FBRSL1: variants seen among roughly 807,000 people sequenced by gnomAD.
The protein encoded by FBRSL1 is fibrosin-1-like protein.
A neutral mutation model predicts 89.6 loss-of-function variants in FBRSL1; 51 were observed. That is an observed-to-expected ratio of 0.57 (90% CI 0.45 to 0.72). FBRSL1 has a LOEUF of 0.72. Among genes scored for constraint, FBRSL1 ranks in the 30% least tolerant of loss-of-function variants. FBRSL1 has a pLI of 0.00. For missense variants in FBRSL1, 1,618 were observed against 1,451.8 expected (o/e 1.11, Z -1.86); for synonymous variants, 779 against 681.1 (o/e 1.14, Z -2.24).
chr12:132,543,335 C>T lies in FBRSL1; in HGVS notation c.616-4668C>T, dbSNP rs377569804. ...TCCAGTGTCCACGAAGCAGTGGGGCCAGGACCTGCCCACGCCGGGCTCCGT... is the reference window on the plus strand; with the variant it reads ...TCCAGTGTCCACGAAGCAGTGGGGCTAGGACCTGCCCACGCCGGGCTCCGT... On this transcript the variant is annotated intron_variant, in intron 4 of 18. Coordinates refer to ENST00000680143, the MANE Select transcript of FBRSL1 (RefSeq NM_001367871.1). Among the ~76,000 whole-genome samples the T allele has an allele frequency of 1.1e-3, 166 of 152,294 alleles. No homozygotes were observed. In the Middle Eastern group the frequency reaches 0.031, roughly 28 times the overall value.
chr12:132,500,135 T>C (rs552740855), intron 1 of FBRSL1, among the ~76,000 whole-genome samples: 1 of 152,264 alleles, frequency 6.6e-6, no homozygotes, highest in South Asian at 2.1e-4. Context: ...GCGGGAGCCA[T>C]CAAGCGTCTG....
intron 2 of FBRSL1, chr12:132,510,901 C>T (rs891909870): frequency 2.6e-5 from 26 of 1,004,572 alleles, no homozygotes; most frequent in African/African-American, 1.4e-4. Context: ...CACGCTTGCC[C>T]CTGGCGTGCC....
rs2038196451 is a variant in FBRSL1, at chr12:132,551,868, CATA to C, written c.645+3837_645+3839del. The C allele has an allele frequency of 1.3e-5, 4 of 298,672 alleles. No homozygotes were observed. The Admixed American group carries it at 1.6e-4, about 12-fold the overall frequency. 18.5% of individuals were successfully genotyped at this position (298,672 alleles called of 1,614,324 possible). A position where few individuals can be genotyped will look rare whatever the true frequency, so the allele number is the denominator to read the frequency against. ...TGGGGTGAAGAGCGATATGGGACTC[CATA>C]GGCAGCCGCCAGGTGGTGGTGGCCT... On this transcript the variant is annotated intron_variant, in intron 5 of 18. Transcript: ENST00000680143.
intron 17 of FBRSL1, 47 bp downstream of exon 17, chr12:132,581,871 C>A: frequency 6.8e-7 from 1 of 1,469,950 alleles, no homozygotes; most frequent in Non-Finnish European, 9.1e-7. Flanking sequence ...CCGCGCCCCT[C>A]CCCCATGCCT....
At chr12:132,512,242 C>A (rs1204937061) in intron 2 of FBRSL1, among the ~76,000 whole-genome samples, 1 of 152,266 alleles carries the variant, frequency 6.6e-6, no homozygotes, top group African/African-American at 2.4e-5. Flanking sequence ...GCCTGGGGGG[C>A]ACCCATCCCC....
intron 5 of FBRSL1, chr12:132,552,100 C>T: frequency 5.2e-6 from 1 of 194,142 alleles, no homozygotes; most frequent in Non-Finnish European, 1.1e-5. Context: ...CCACAGCCTC[C>T]ATGTTCTGTC....
intron 5 of FBRSL1, among the ~76,000 whole-genome samples, chr12:132,561,397 G>C (rs753601285): frequency 5.3e-4 from 81 of 152,292 alleles, no homozygotes; most frequent in Non-Finnish European, 1.0e-3. Context: ...GGGACGTGGA[G>C]CGGAACCCAC....
Position 132,583,730 on chromosome 12 carries a change from G to A in FBRSL1, c.2961G>A (p.Ala987=), listed in dbSNP as rs371380312. 1.8e-4 allele frequency: 220 copies of A among 1,215,966 alleles called. 2 individuals carry two copies. In the East Asian group the frequency reaches 3.2e-3, roughly 18 times the overall value. The allele number at this position is 1,215,966 out of a possible 1,614,324, so 75.3% of individuals were successfully genotyped here. ...TPLGGLGPGE[A]RDYSPSRNPP... is the part of the protein sequence containing the mutation. ...TGGGGGGCCTCGGGCCGGGCGAGGC[G>A]CGCGACTACTCCCCGTCCCGAAATC... Residue 987 remains alanine (A), a synonymous_variant, in exon 19 of 19, where the codon GCG becomes GCA. Transcript: ENST00000680143.
chr12:132,501,627 T>C (rs920012171), intron 1 of FBRSL1, among the ~76,000 whole-genome samples: 1 of 152,038 alleles, frequency 6.6e-6, no homozygotes, highest in African/African-American at 2.4e-5. Context: ...CCCAAGGCCT[T>C]GGACAGGAGT....
chr12:132,510,402 C>A (rs1036907441), intron 2 of FBRSL1: 14 of 1,231,904 alleles, frequency 1.1e-5, no homozygotes, highest in Non-Finnish European at 1.4e-5. Context: ...ATCCTGTGCC[C>A]CCGGGATGGC....
chr12:132,519,137 T>TTTGTTTG (rs1390012696), intron 2 of FBRSL1, among the ~76,000 whole-genome samples: 1 of 152,242 alleles, frequency 6.6e-6, no homozygotes. Flanking sequence ...ATTGCCTGAG[T>TTTGTTTG]CCCTGTTTAC....
chr12:132,570,153 C>A lies in FBRSL1; in HGVS notation c.919C>A (p.Arg307Ser). Residue 307 changes from arginine (R) to serine (S), a missense_variant, in exon 7 of 19, where the codon CGC becomes AGC. Coordinates refer to ENST00000680143, the MANE Select transcript of FBRSL1 (RefSeq NM_001367871.1). ...HTPQPPPPQPRGLLPTHVPAS... is the reference protein window; with the variant it reads ...HTPQPPPPQPSGLLPTHVPAS... Reference sequence around the variant, plus strand: ...CCCGCAGCCGCCACCCCCGCAGCCCCGCGGCCTGCTCCCGACACACGTGCC... The same window carrying A: ...CCCGCAGCCGCCACCCCCGCAGCCCAGCGGCCTGCTCCCGACACACGTGCC... 6.7e-7 allele frequency: 1 copy of A among 1,491,822 alleles called. No homozygotes were observed. Among genetic ancestry groups the A allele is most frequent in the Non-Finnish European group, 8.9e-7 (1 of 1,129,782 alleles). 92.4% of individuals were successfully genotyped at this position (1,491,822 alleles called of 1,614,324 possible). A position where few individuals can be genotyped will look rare whatever the true frequency, so the allele number is the denominator to read the frequency against.
At chr12:132,549,569 G>A (rs911989630) in intron 5 of FBRSL1, among the ~76,000 whole-genome samples, 8 of 152,222 alleles carry the variant, frequency 5.3e-5, no homozygotes, top group Non-Finnish European at 1.2e-4. Context: ...CACAACCAAG[G>A]GTTGCTCTGA....
At chr12:132,508,021 T>A in intron 1 of FBRSL1, 132 bp from the exon 2 acceptor site, 1 of 884,406 alleles carries the variant, frequency 1.1e-6, no homozygotes, top group Non-Finnish European at 1.7e-6. Flanking sequence ...ACAGCAGCCA[T>A]CTTCCTTTCC....
intron 14 of FBRSL1, 44 bp from the exon 15 acceptor site, chr12:132,576,755 G>A: frequency 6.5e-7 from 1 of 1,533,288 alleles, no homozygotes; most frequent in Non-Finnish European, 8.8e-7. Flanking sequence ...TGTGTTCAGG[G>A]CCAGTCCCCG....
At chr12:132,572,261 C>A in intron 9 of FBRSL1, 27 bp from the exon 10 acceptor site, 14 of 1,547,582 alleles carry the variant, frequency 9.0e-6, no homozygotes, top group Non-Finnish European at 1.2e-5. Flanking sequence ...GTGTGCGGGG[C>A]CTCACCCTCC....
intron 1 of FBRSL1, among the ~76,000 whole-genome samples, chr12:132,498,828 C>T (rs545528227): frequency 2.2e-4 from 34 of 152,328 alleles, no homozygotes; most frequent in African/African-American, 8.2e-4. Flanking sequence ...CAGCTGGAGG[C>T]GCAGCTGCAG....
rs906495792 is a variant in FBRSL1, at chr12:132,546,988, C to T, written c.616-1015C>T. On this transcript the variant is annotated intron_variant, in intron 4 of 18. Coordinates refer to ENST00000680143, the MANE Select transcript of FBRSL1 (RefSeq NM_001367871.1). This position sits in a 1 kb window ranked among gnomAD's most constrained non-coding sequence, Gnocchi z 4.0. ...GCCGCCCACACATCCGGCTGGCACT[C>T]ACCACCCTCCGTGCACTGGGGGGTT... Among the ~76,000 whole-genome samples the T allele has an allele frequency of 1.3e-5, 2 of 152,254 alleles. No individual in the cohort carries two copies. Among genetic ancestry groups the T allele is most frequent in the African/African-American group, 4.8e-5 (2 of 41,462 alleles).
At chr12:132,582,514 C>G (rs891537076) in intron 18 of FBRSL1, among the ~76,000 whole-genome samples, 2 of 151,534 alleles carry the variant, frequency 1.3e-5, no homozygotes, top group African/African-American at 4.9e-5. Context: ...GGCCAAAGCT[C>G]TGCTCCCCGG....
Sources: gnomAD v4.1 joint callset for allele counts (sites outside exome capture counted in the v4.1 genomes callset) on GRCh38, gnomAD v4.1.1 for gene constraint, Gnocchi (gnomAD v3.1) non-coding constraint, MANE v1.5 for transcripts, NCBI Gene and HGNC (gene_info 2026-07-23, HGNC 2026-07-21) for gene names.